The following FRS2 variants were observed in gnomAD, a reference collection of about 807,000 sequenced individuals.
FRS2 encodes FGFR signalling adaptor.
FRS2 carries 8 observed loss-of-function variants against 43.9 expected under a neutral mutation model. The ratio of observed to expected loss-of-function variants is 0.18; its 90% CI spans 0.11 to 0.33. The LOEUF is 0.33. Among genes scored for constraint, FRS2 ranks in the 10% least tolerant of loss-of-function variants. The probability of loss-of-function intolerance (pLI) is 1.00; values close to 1 mark genes in which losing one functional copy is unlikely to be tolerated. For missense variants in FRS2, 534 were observed against 627.6 expected, an observed-to-expected ratio of 0.85 and a Z score of 1.59; for synonymous variants, 219 against 220.3, an observed-to-expected ratio of 0.99 and a Z score of 0.05.
At chr12:69,497,952 A>G (rs1873059715) in intron 1 of FRS2, among the ~76,000 whole-genome samples, 1 of 152,226 alleles carries the variant, frequency 6.6e-6, no homozygotes, top group Admixed American at 6.5e-5. Flanking sequence ...ATGAGAGTAT[A>G]ACTGTTATTC....
Position 69,579,509 on chromosome 12 carries a change from A to G in FRS2, c.*4554A>G, listed in dbSNP as rs1470141986. ...TTTAAATCCTTATTTATTGTAGAGT[A>G]TTAGTATACTGTCCTACAAATTATG... On this transcript the variant is annotated 3_prime_UTR_variant, in exon 9 of 9. Transcript: ENST00000549921. 6.6e-6 allele frequency: 1 copy of G among 152,664 alleles called. No homozygotes were observed. Among genetic ancestry groups the G allele is most frequent in the Non-Finnish European group, 1.5e-5 (1 of 68,036 alleles). The allele number at this position is 152,664 out of a possible 1,614,324, so 9.5% of individuals were successfully genotyped here.
At chr12:69,528,786 C>T (rs184586596) in intron 1 of FRS2, among the ~76,000 whole-genome samples, 36 of 152,236 alleles carry the variant, frequency 2.4e-4, no homozygotes, top group East Asian at 1.9e-3. Context: ...GCTCAGGACA[C>T]TAGGGCAGAT....
At chr12:69,521,599 GTTTTGTT>G (rs752378134) in intron 1 of FRS2, among the ~76,000 whole-genome samples, 144 of 151,926 alleles carry the variant, frequency 9.5e-4, no homozygotes, top group African/African-American at 1.4e-3. Context: ...TTTGTTGAGA[GTTTTGTT>G]TTTTGTTTTT....
chr12:69,548,974 G>A (rs1878646467), intron 3 of FRS2, among the ~76,000 whole-genome samples: 1 of 152,172 alleles, frequency 6.6e-6, no homozygotes, highest in Admixed American at 6.5e-5. Context: ...TAAGAGAGTG[G>A]CTTTGGAGGG....
intron 3 of FRS2, among the ~76,000 whole-genome samples, chr12:69,542,622 A>G (rs1331473344): frequency 1.3e-5 from 2 of 152,328 alleles, no homozygotes; most frequent in African/African-American, 4.8e-5. Flanking sequence ...TGATGTTCCA[A>G]ACTTGTACCT....
At chr12:69,518,474 G>A (rs1433944560) in intron 1 of FRS2, among the ~76,000 whole-genome samples, 1 of 152,008 alleles carries the variant, frequency 6.6e-6, no homozygotes, top group Admixed American at 6.6e-5. Flanking sequence ...TTGGGAGGCC[G>A]AGGTGGCAGA....
intron 1 of FRS2, among the ~76,000 whole-genome samples, chr12:69,520,511 T>C (rs1291653865): frequency 2.0e-5 from 3 of 152,066 alleles, no homozygotes; most frequent in Non-Finnish European, 4.4e-5. Context: ...TCCAGAATGA[T>C]ATTGCCTAGG....
chr12:69,521,180 G>A (rs1339930649), intron 1 of FRS2, among the ~76,000 whole-genome samples: 1 of 152,058 alleles, frequency 6.6e-6, no homozygotes, highest in African/African-American at 2.4e-5. Context: ...GAACAGAATT[G>A]TATTCCTGAT....
intron 1 of FRS2, among the ~76,000 whole-genome samples, chr12:69,485,134 C>CACACACACACAAACACACACAT: frequency 7.4e-6 from 1 of 134,352 alleles, no homozygotes; most frequent in Admixed American, 7.4e-5. Context: ...CACACACACA[C>CACACACACACAAACACACACAT]ACTCTCACCC....
At chr12:69,511,554 C>T (rs180807351) in intron 1 of FRS2, among the ~76,000 whole-genome samples, 10 of 152,124 alleles carry the variant, frequency 6.6e-5, no homozygotes, top group Admixed American at 5.2e-4. Context: ...CAATTAGAAA[C>T]GTGATATTAC....
intron 3 of FRS2, among the ~76,000 whole-genome samples, chr12:69,541,176 A>G (rs930004672): frequency 2.0e-5 from 3 of 152,190 alleles, no homozygotes; most frequent in African/African-American, 7.2e-5. Flanking sequence ...TCTTGAATGC[A>G]TATTTCCCCG....
In FRS2 at chr12:69,576,134, G is replaced by A. The variant is rs1316349230; in HGVS notation, c.*1179G>A. 1.3e-5 allele frequency: 2 copies of A among 152,440 alleles called. No homozygotes were observed. The highest frequency in any genetic ancestry group is 4.8e-5 in the African/African-American group (2 of 41,378). 9.4% of individuals were successfully genotyped at this position (152,440 alleles called of 1,614,324 possible). On this transcript the variant is annotated 3_prime_UTR_variant, in exon 9 of 9. Transcript: ENST00000549921. ...CTTTTAACATGCAAAGTTCCCTCAAGGTGTACCGTGTTGTCTCTGTGGGCA... is the reference window on the plus strand; with the variant it reads ...CTTTTAACATGCAAAGTTCCCTCAAAGTGTACCGTGTTGTCTCTGTGGGCA...
At chr12:69,519,571 TG>T (rs1431758839) in intron 1 of FRS2, among the ~76,000 whole-genome samples, 2 of 143,522 alleles carry the variant, frequency 1.4e-5, no homozygotes, top group South Asian at 2.6e-4. Context: ...CTCCACCCTC[TG>T]GTAGGCCACA....
At chr12:69,509,530 A>G (rs1225555818) in intron 1 of FRS2, among the ~76,000 whole-genome samples, 4 of 152,146 alleles carry the variant, frequency 2.6e-5, no homozygotes, top group South Asian at 2.1e-4. Flanking sequence ...AATCACCACT[A>G]TTCATCTCCA....
intron 8 of FRS2, among the ~76,000 whole-genome samples, 177 bp downstream of exon 8, chr12:69,572,458 G>A (rs899271267): frequency 6.6e-6 from 1 of 152,196 alleles, no homozygotes; most frequent in Non-Finnish European, 1.5e-5. Context: ...TCAAATATAT[G>A]CGGGTATTCA....
In FRS2 at chr12:69,575,204, G is replaced by T; in HGVS notation, c.*249G>T. ...TTTTCACAGTGCCTATTTAAAATGA[G>T]AGTTGAAGTAAATGACATGCTGGTT... On this transcript the variant is annotated 3_prime_UTR_variant, in exon 9 of 9. Transcript: ENST00000549921. 2 of 434,092 alleles carry T rather than the reference G, an allele frequency of 4.6e-6. No homozygotes were observed. The highest frequency in any genetic ancestry group is 2.0e-5 in the African/African-American group (1 of 50,102). 26.9% of individuals were successfully genotyped at this position (434,092 alleles called of 1,614,324 possible). A position where few individuals can be genotyped will look rare whatever the true frequency, so the allele number is the denominator to read the frequency against.
intron 3 of FRS2, among the ~76,000 whole-genome samples, chr12:69,557,615 T>C (rs906632509): frequency 1.9e-4 from 23 of 122,026 alleles, no homozygotes; most frequent in Admixed American, 3.1e-4. Context: ...TGTGTGTGTG[T>C]GTGTGCGCGC....
chr12:69,533,223 T>C (rs987507031), intron 3 of FRS2, among the ~76,000 whole-genome samples: 17 of 152,184 alleles, frequency 1.1e-4, no homozygotes, highest in African/African-American at 4.1e-4. Flanking sequence ...GACAAAAATA[T>C]AAGCAGTGAA....
intron 3 of FRS2, among the ~76,000 whole-genome samples, chr12:69,548,198 A>T (rs1316873153): frequency 6.6e-6 from 1 of 152,174 alleles, no homozygotes; most frequent in African/African-American, 2.4e-5. Flanking sequence ...TGCTGTGTTG[A>T]TAAAAGACTA....
Sources: gnomAD v4.1 joint callset for allele counts (sites outside exome capture counted in the v4.1 genomes callset) on GRCh38, gnomAD v4.1.1 for gene constraint, MANE v1.5 for transcripts, NCBI Gene and HGNC (gene_info 2026-07-23, HGNC 2026-07-21) for gene names.